Variants in LIG3 observed in about 807,000 individuals in gnomAD.
LIG3 encodes the protein ligase II, DNA, ATP-dependent.
Under a neutral mutation model 110.9 loss-of-function variants are expected in LIG3, and 58 were observed. The observed-to-expected ratio is 0.52, with a 90% CI of 0.42 to 0.65. LIG3 has a LOEUF of 0.65. LIG3 is among the 30% of genes least tolerant of loss of function. The pLI is 0.00. For synonymous variants in LIG3, 422 were observed against 472.8 expected, an observed-to-expected ratio of 0.89 and a Z score of 1.39; for missense variants, 1,094 against 1,273.8, an observed-to-expected ratio of 0.86 and a Z score of 2.15.
chr17:35,004,986 G>A lies in LIG3; in HGVS notation c.*480G>A, dbSNP rs866347140. On this transcript the variant is annotated 3_prime_UTR_variant, in exon 20 of 20. Coordinates refer to ENST00000378526, the MANE Select transcript of LIG3 (RefSeq NM_013975.4). ...GCCCTCGGAAATGCTTCTGTTTAGC[G>A]GAACTTGTATTCAGCCTGACACGCT... 42 of 281,510 alleles carry A rather than the reference G, an allele frequency of 1.5e-4. No individual in the cohort carries two copies. Among genetic ancestry groups the A allele is most frequent in the African/African-American group, 7.6e-4 (35 of 45,780 alleles). The allele number at this position is 281,510 out of a possible 1,614,324, so 17.4% of individuals were successfully genotyped here.
At chr17:34,989,830 A>C (rs985883203) in intron 4 of LIG3, 167 bp downstream of exon 4, 4 of 655,990 alleles carry the variant, frequency 6.1e-6, no homozygotes, top group East Asian at 2.7e-5. Context: ...GGGGCCTCGC[A>C]TTTGCATTTT....
At chr17:34,997,669 T>C (rs2090792932) in intron 11 of LIG3, 69 bp from the exon 12 acceptor site, 1 of 1,139,682 alleles carries the variant, frequency 8.8e-7, no homozygotes, top group South Asian at 1.2e-5. Flanking sequence ...TTGTGGCCCT[T>C]CCTTCCTCAG....
intron 3 of LIG3, 54 bp from the exon 4 acceptor site, chr17:34,989,412 T>A: frequency 6.6e-7 from 1 of 1,514,348 alleles, no homozygotes; most frequent in Non-Finnish European, 9.1e-7. Context: ...CTTCCTTCCC[T>A]TTCTTTCTTC....
chr17:34,995,767 CGACA>C (rs1452552979), intron 9 of LIG3, among the ~76,000 whole-genome samples: 3 of 152,202 alleles, frequency 2.0e-5, no homozygotes, highest in Non-Finnish European at 4.4e-5. Context: ...CCTCCTCCCC[CGACA>C]GGTTTAATCT....
Position 34,996,804 on chromosome 17 carries a change from G to A in LIG3, c.1823+151G>A, listed in dbSNP as rs3136001. ...GCTCAGGAGCTTGCCAAAGGCAATG[G>A]CAAGAGGGAGCTGAGAGGAAGCACA... is the stretch of plus-strand genomic sequence containing the variant. On this transcript the variant is annotated intron_variant, in intron 11 of 19. Coordinates refer to ENST00000378526, the MANE Select transcript of LIG3 (RefSeq NM_013975.4). 4,773 of 673,430 alleles carry A rather than the reference G, an allele frequency of 7.1e-3. 153 individuals are homozygous for A. In the African/African-American group the frequency reaches 0.076, roughly 11 times the overall value. 41.7% of individuals were successfully genotyped at this position (673,430 alleles called of 1,614,324 possible). A position where few individuals can be genotyped will look rare whatever the true frequency, so the allele number is the denominator to read the frequency against.
At chr17:34,987,026 A>G (rs1222968683) in intron 3 of LIG3, among the ~76,000 whole-genome samples, 2 of 152,376 alleles carry the variant, frequency 1.3e-5, no homozygotes, top group East Asian at 1.9e-4. Flanking sequence ...CATCTCCTAA[A>G]GGGGAGGACT....
chr17:34,986,881 T>G (rs1416686888), intron 3 of LIG3, among the ~76,000 whole-genome samples: 1 of 152,182 alleles, frequency 6.6e-6, no homozygotes, highest in Non-Finnish European at 1.5e-5. Context: ...AACTGTTTAT[T>G]CAAAACACTG....
At chr17:35,000,608 CTTTTTTT>C (rs57663136) in intron 16 of LIG3, among the ~76,000 whole-genome samples, 180 of 80,424 alleles carry the variant, frequency 2.2e-3, no homozygotes, top group African/African-American at 8.2e-3. Context: ...TTGGGAGATA[CTTTTTTT>C]TTTTTTTTTT....
chr17:35,003,306 CT>C (rs375089909), intron 19 of LIG3: 31,247 of 499,978 alleles, frequency 0.062, no homozygotes, highest in South Asian at 0.11. Context: ...CTGAGCAATT[CT>C]TTTTTTTTTT....
At chr17:34,996,433 T>A in intron 10 of LIG3, 141 bp from the exon 11 acceptor site, 1 of 827,438 alleles carries the variant, frequency 1.2e-6, no homozygotes, top group African/African-American at 1.7e-5. Flanking sequence ...CTCAGTGCCC[T>A]TATGGCCCAG....
In LIG3 at chr17:35,005,868, C is replaced by G; in HGVS notation, c.*1362C>G. ...GAGCAGCAGTAAAAGAAATACCTAG[C>G]GAAAAAAACAGGAAGCATATTGAAG... On this transcript the variant is annotated 3_prime_UTR_variant, in exon 20 of 20. Transcript: ENST00000378526. The G allele has an allele frequency of 2.9e-6, 1 of 346,978 alleles. No homozygotes were observed. The highest frequency in any genetic ancestry group is 2.1e-5 in the African/African-American group (1 of 46,514). The allele number at this position is 346,978 out of a possible 1,614,324, so 21.5% of individuals were successfully genotyped here.
In LIG3 at chr17:34,992,583, A is replaced by T. The variant is rs757157415; in HGVS notation, c.1346A>T (p.Asp449Val). ...EAFKASRNLQ[D>V]VVERVLHNAQ... ...TTCAAAGCCTCGCGCAACCTGCAGGATGTGGTGGAGCGGGTCCTTCACAAC... is the reference window on the plus strand; with the variant it reads ...TTCAAAGCCTCGCGCAACCTGCAGGTTGTGGTGGAGCGGGTCCTTCACAAC... The change falls in exon 8 of 20, where the codon GAT becomes GTT. Residue 449 changes from aspartate to valine, a missense_variant. Physicochemically the swap from Asp to Val is radical, Grantham distance 152. Coordinates refer to ENST00000378526, the MANE Select transcript of LIG3 (RefSeq NM_013975.4). 27 of 1,613,720 alleles carry T rather than the reference A, an allele frequency of 1.7e-5. No homozygotes were observed. The highest frequency in any genetic ancestry group is 2.2e-5 in the Non-Finnish European group (26 of 1,179,848).
chr17:34,986,896 T>C (rs2090661712), intron 3 of LIG3, among the ~76,000 whole-genome samples: 1 of 152,154 alleles, frequency 6.6e-6, no homozygotes, highest in Non-Finnish European at 1.5e-5. Context: ...ACACTGGAAC[T>C]TCATGGAACA....
At position 35,009,706 on chromosome 17, in the gene LIG3, A is replaced by C. The variant is rs1312100336; in HGVS notation, c.*5200A>C. ...ACAACCTCAGTTTTAATTCTTACTG[A>C]GGTTACTAACCAGCTATCAGTATAT... On this transcript the variant is annotated 3_prime_UTR_variant, in exon 20 of 20. Coordinates refer to ENST00000378526, the MANE Select transcript of LIG3 (RefSeq NM_013975.4). 1 of 152,212 alleles carries C rather than the reference A, an allele frequency of 6.6e-6. No individual in the cohort carries two copies. The highest frequency in any genetic ancestry group is 1.5e-5 in the Non-Finnish European group (1 of 68,034). 9.4% of individuals were successfully genotyped at this position (152,212 alleles called of 1,614,324 possible). A position where few individuals can be genotyped will look rare whatever the true frequency, so the allele number is the denominator to read the frequency against.
chr17:34,998,560 GA>G (rs767226916), intron 13 of LIG3, 43 bp from the exon 14 acceptor site: 1 of 1,608,644 alleles, frequency 6.2e-7, no homozygotes, highest in Admixed American at 1.7e-5. Flanking sequence ...CATCCTCATG[GA>G]GTTGCCTTTC....
intron 3 of LIG3, among the ~76,000 whole-genome samples, chr17:34,987,999 C>G (rs770375941): frequency 9.9e-5 from 15 of 151,494 alleles, no homozygotes; most frequent in Non-Finnish European, 5.9e-5. Flanking sequence ...TCGAGACCAT[C>G]CTGGCTAACA....
At position 35,009,050 on chromosome 17, in the gene LIG3, A is replaced by C. The variant is rs897719677; in HGVS notation, c.*4544A>C. On this transcript the variant is annotated 3_prime_UTR_variant, in exon 20 of 20. Coordinates refer to ENST00000378526, the MANE Select transcript of LIG3 (RefSeq NM_013975.4). ...CTAAAGTGTGGAAATTATAGCATGAACCACTGTCAGGCTCTTTTGTCAGTC... is the reference window on the plus strand; with the variant it reads ...CTAAAGTGTGGAAATTATAGCATGACCCACTGTCAGGCTCTTTTGTCAGTC... 1 of 152,604 alleles carries C rather than the reference A, an allele frequency of 6.6e-6. No homozygotes were observed. Among genetic ancestry groups the C allele is most frequent in the Admixed American group, 6.5e-5 (1 of 15,286 alleles). 9.5% of individuals were successfully genotyped at this position (152,604 alleles called of 1,614,324 possible).
At chr17:34,984,954 T>G (rs2090640629) in intron 2 of LIG3, among the ~76,000 whole-genome samples, 1 of 152,040 alleles carries the variant, frequency 6.6e-6, no homozygotes, top group South Asian at 2.1e-4. Flanking sequence ...ATTTTTGTGT[T>G]TTTAGTAGAG....
intron 17 of LIG3, among the ~76,000 whole-genome samples, chr17:35,001,675 GTTGCCCCAGCAAAGCCTGCT>G (rs1341491889): frequency 2.6e-5 from 4 of 152,152 alleles, no homozygotes; most frequent in Non-Finnish European, 5.9e-5. Flanking sequence ...GTTTGCTCCT[GTTGCCCCAGCAAAGCCTGCT>G]TTGCTGTACA....
Sources: gnomAD v4.1 joint callset for allele counts (sites outside exome capture counted in the v4.1 genomes callset) on GRCh38, gnomAD v4.1.1 for gene constraint, MANE v1.5 for transcripts, NCBI Gene and HGNC (gene_info 2026-07-23, HGNC 2026-07-21) for gene names.